The following CIMAP2 variants were observed in gnomAD, a reference collection of about 807,000 sequenced individuals.
CIMAP2 encodes ciliary microtubule associated protein 2.
At chr1:54,806,911 G>T in the CIMAP2 span, 37 of 1,284,404 alleles carry the variant, frequency 2.9e-5, no homozygotes, top group Non-Finnish European at 4.0e-5. Context: ...TTCCCGGGCA[G>T]CCAACTCCCC....
chr1:54,815,611 G>C, the CIMAP2 span, among the ~76,000 whole-genome samples: 397 of 152,202 alleles, frequency 2.6e-3, 1 homozygote, highest in African/African-American at 9.2e-3. Flanking sequence ...TGTATCTTTA[G>C]TTAGTGTTCT....
At chr1:54,815,054 G>A in the CIMAP2 span, 2 of 1,613,740 alleles carry the variant, frequency 1.2e-6, no homozygotes, top group Non-Finnish European at 1.7e-6. Flanking sequence ...GTGGGTCTGG[G>A]GTGAGGGATA....
At chr1:54,828,414 G>A in the CIMAP2 span, among the ~76,000 whole-genome samples, 23 of 152,118 alleles carry the variant, frequency 1.5e-4, no homozygotes, top group South Asian at 1.0e-3. Flanking sequence ...TCATTGTAGC[G>A]TCCACCTCCC....
At chr1:54,835,274 C>A in the CIMAP2 span, among the ~76,000 whole-genome samples, 1 of 152,164 alleles carries the variant, frequency 6.6e-6, no homozygotes, top group Non-Finnish European at 1.5e-5. Context: ...TCACTGCAGC[C>A]TTGACCTCCT....
the CIMAP2 span, chr1:54,806,935 T>C: frequency 6.7e-7 from 1 of 1,494,566 alleles, no homozygotes; most frequent in Non-Finnish European, 9.3e-7. Context: ...GCTCCAGAAC[T>C]GCCCACGCCA....
the CIMAP2 span, among the ~76,000 whole-genome samples, chr1:54,810,939 G>A: frequency 2.0e-5 from 3 of 152,236 alleles, no homozygotes; most frequent in East Asian, 5.8e-4. Context: ...TCTTCTCCAG[G>A]GCCCTACTGG....
chr1:54,831,000 A>G, the CIMAP2 span, among the ~76,000 whole-genome samples: 1 of 152,180 alleles, frequency 6.6e-6, no homozygotes, highest in Non-Finnish European at 1.5e-5. The surrounding 1 kb of genome is among the most constrained non-coding windows in gnomAD (Gnocchi z 4.1). Context: ...AGAGAGGTTA[A>G]TATACCCATT....
chr1:54,832,833 G>T, the CIMAP2 span, among the ~76,000 whole-genome samples: 1 of 152,146 alleles, frequency 6.6e-6, no homozygotes, highest in African/African-American at 2.4e-5. Context: ...TTAGAGACTA[G>T]CCTGGGCAAC....
chr1:54,807,552 C>T, the CIMAP2 span: 5 of 1,591,216 alleles, frequency 3.1e-6, no homozygotes, highest in African/African-American at 2.7e-5. Flanking sequence ...GGACTTACAG[C>T]TCCAAAGAGA....
the CIMAP2 span, among the ~76,000 whole-genome samples, chr1:54,819,570 T>C: frequency 9.2e-5 from 14 of 152,286 alleles, no homozygotes; most frequent in Non-Finnish European, 1.3e-4. Context: ...AGAGTCTCAC[T>C]ATGTTGCCAA....
the CIMAP2 span, among the ~76,000 whole-genome samples, chr1:54,810,687 G>A: frequency 1.3e-5 from 2 of 152,142 alleles, no homozygotes; most frequent in Non-Finnish European, 2.9e-5. Context: ...AGCAGAAAAC[G>A]TCCTGCCAGG....
chr1:54,813,812 A>C, the CIMAP2 span: 1 of 1,586,518 alleles, frequency 6.3e-7, no homozygotes, highest in Non-Finnish European at 8.5e-7. Flanking sequence ...TCTTTTTCTT[A>C]GAAAAAAAAG....
At chr1:54,827,816 A>T in the CIMAP2 span, among the ~76,000 whole-genome samples, 22 of 152,224 alleles carry the variant, frequency 1.4e-4, no homozygotes, top group Admixed American at 1.4e-3. Flanking sequence ...ATTTCTTTAC[A>T]GAGGCTTAAA....
At chr1:54,813,907 C>G in the CIMAP2 span, 3 of 1,613,794 alleles carry the variant, frequency 1.9e-6, no homozygotes, top group Non-Finnish European at 2.5e-6. Flanking sequence ...TTCTAAACTT[C>G]CCCGAAACCC....
the CIMAP2 span, chr1:54,811,766 C>CGGGGGGGGGGGGGGGGGGGG: frequency 2.3e-6 from 3 of 1,305,188 alleles, no homozygotes; most frequent in Non-Finnish European, 2.2e-6. Context: ...GTTCTGACAG[C>CGGGGGGGGGGGGGGGGGGGG]CTCCATGCCC....
the CIMAP2 span, among the ~76,000 whole-genome samples, chr1:54,813,104 A>G: frequency 0.033 from 4,969 of 150,938 alleles, 286 homozygotes; most frequent in African/African-American, 0.11. Context: ...CTGGCTGGCC[A>G]GCGCCCAGGC....
At chr1:54,822,871 C>T in the CIMAP2 span, among the ~76,000 whole-genome samples, 9 of 152,260 alleles carry the variant, frequency 5.9e-5, no homozygotes, top group Non-Finnish European at 7.4e-5. Context: ...CCCATTTATT[C>T]GTACAATTTC....
At chr1:54,818,534 C>A in the CIMAP2 span, among the ~76,000 whole-genome samples, 1 of 151,852 alleles carries the variant, frequency 6.6e-6, no homozygotes, top group Non-Finnish European at 1.5e-5. Context: ...GTGGATTGCT[C>A]TTTTCTTTCT....
Sources: allele counts gnomAD v4.1 joint callset (sites outside exome capture counted in the v4.1 genomes callset), GRCh38; gene constraint gnomAD v4.1.1; non-coding constraint Gnocchi (gnomAD v3.1); transcripts MANE v1.5; gene names NCBI Gene and HGNC (gene_info 2026-07-23, HGNC 2026-07-21).